Variants in CYP19A1 observed in about 807,000 individuals in gnomAD.
CYP19A1 encodes the protein aromatase.
CYP19A1 carries 32 observed loss-of-function variants against 44.4 expected under a neutral mutation model. That is an observed-to-expected ratio of 0.72 (90% confidence interval 0.54 to 0.97). CYP19A1 has a LOEUF of 0.97. Among genes scored for constraint, CYP19A1 ranks in the 50% least tolerant of loss-of-function variants. CYP19A1 has a pLI of 0.00. For missense variants in CYP19A1, 598 were observed against 637.8 expected, an observed-to-expected ratio of 0.94 and a Z score of 0.67; for synonymous variants, 212 against 215.6, an observed-to-expected ratio of 0.98 and a Z score of 0.14.
chr15:51,278,323 T>A (rs1380298698), intron 1 of CYP19A1, among the ~76,000 whole-genome samples: 1 of 152,190 alleles, frequency 6.6e-6, no homozygotes, highest in Non-Finnish European at 1.5e-5. Flanking sequence ...AAACTGACCA[T>A]GAGGAGGAGA....
intron 5 of CYP19A1, among the ~76,000 whole-genome samples, chr15:51,219,009 T>C (rs201789954): frequency 6.6e-6 from 1 of 152,236 alleles, no homozygotes; most frequent in African/African-American, 2.4e-5. Context: ...ATTATGGCTG[T>C]TATGGCCTTC....
intron 1 of CYP19A1, among the ~76,000 whole-genome samples, chr15:51,262,809 C>CCA (rs2034779243): frequency 6.6e-6 from 1 of 152,128 alleles, no homozygotes; most frequent in Non-Finnish European, 1.5e-5. Flanking sequence ...GCAGACAGAG[C>CCA]ATGAACCCAT....
chr15:51,270,940 A>C (rs960983717), intron 1 of CYP19A1, among the ~76,000 whole-genome samples: 4 of 152,062 alleles, frequency 2.6e-5, no homozygotes, highest in Admixed American at 2.6e-4. Flanking sequence ...AACAACTGCC[A>C]CCCAGTCTGG....
At chr15:51,281,820 T>A (rs1407274591) in intron 1 of CYP19A1, among the ~76,000 whole-genome samples, 1 of 152,178 alleles carries the variant, frequency 6.6e-6, no homozygotes, top group African/African-American at 2.4e-5. Flanking sequence ...CCAACCCAAG[T>A]TATGACTGAA....
intron 1 of CYP19A1, among the ~76,000 whole-genome samples, chr15:51,251,092 G>A (rs927802580): frequency 2.0e-5 from 3 of 152,190 alleles, no homozygotes; most frequent in African/African-American, 7.2e-5. Flanking sequence ...CCCGGGCTGA[G>A]GGGGAGCACT....
chr15:51,283,131 T>G (rs527922878), intron 1 of CYP19A1, among the ~76,000 whole-genome samples: 13 of 151,184 alleles, frequency 8.6e-5, no homozygotes, highest in African/African-American at 2.7e-4. Flanking sequence ...TGAGGTAGAT[T>G]CAGATGAGGA....
chr15:51,242,713 A>G, intron 2 of CYP19A1, 55 bp downstream of exon 2: 6 of 1,192,976 alleles, frequency 5.0e-6, no homozygotes, highest in Non-Finnish European at 7.5e-6. Context: ...ACCATCATGG[A>G]CCAAAATCCC....
At chr15:51,307,954 T>C (rs28757098) in intron 1 of CYP19A1, among the ~76,000 whole-genome samples, 1 of 152,302 alleles carries the variant, frequency 6.6e-6, no homozygotes, top group African/African-American at 2.4e-5. Flanking sequence ...TAGAAACAAA[T>C]GAACACAAAG....
intron 1 of CYP19A1, among the ~76,000 whole-genome samples, chr15:51,259,845 G>A (rs1321978208): frequency 6.6e-6 from 1 of 152,204 alleles, no homozygotes; most frequent in Admixed American, 6.5e-5. Context: ...TTACATTTAT[G>A]ATTCATCCAT....
At chr15:51,287,268 C>A (rs2035726496) in intron 1 of CYP19A1, among the ~76,000 whole-genome samples, 1 of 152,300 alleles carries the variant, frequency 6.6e-6, no homozygotes, top group South Asian at 2.1e-4. Context: ...TAAGAAAAAA[C>A]AACCGAGGCT....
intron 4 of CYP19A1, among the ~76,000 whole-genome samples, chr15:51,226,643 G>T (rs772960295): frequency 3.9e-5 from 6 of 152,168 alleles, no homozygotes; most frequent in Non-Finnish European, 8.8e-5. Context: ...TGAATAGACA[G>T]GGCCAGACCT....
chr15:51,299,542 G>T (rs1470036617), intron 1 of CYP19A1, among the ~76,000 whole-genome samples: 1 of 152,114 alleles, frequency 6.6e-6, no homozygotes, highest in Non-Finnish European at 1.5e-5. Context: ...ATGTGATCAG[G>T]GCTGCTTTGC....
intron 2 of CYP19A1, among the ~76,000 whole-genome samples, chr15:51,240,289 G>A (rs967255269): frequency 2.6e-5 from 4 of 152,108 alleles, no homozygotes; most frequent in Admixed American, 6.5e-5. Flanking sequence ...ACGGCTAGAA[G>A]AAGCTTAGAT....
chr15:51,246,648 A>G (rs1455740586), intron 1 of CYP19A1, among the ~76,000 whole-genome samples: 1 of 152,232 alleles, frequency 6.6e-6, no homozygotes, highest in Non-Finnish European at 1.5e-5. Context: ...AGGGTCCCAC[A>G]GTGCCACGAA....
intron 4 of CYP19A1, 33 bp downstream of exon 4, chr15:51,227,746 A>AG: frequency 1.1e-6 from 1 of 915,482 alleles, no homozygotes; most frequent in Non-Finnish European, 1.7e-6. Context: ...TTCATAGACA[A>AG]AAAAGATTGT....
At chr15:51,243,615 C>T (rs1012076269) in intron 1 of CYP19A1, among the ~76,000 whole-genome samples, 8 of 151,528 alleles carry the variant, frequency 5.3e-5, no homozygotes, top group Non-Finnish European at 7.4e-5. Flanking sequence ...GACCGGCCAA[C>T]GGTAGTGTGG....
chr15:51,227,672 C>A (rs897251148), intron 4 of CYP19A1, 107 bp downstream of exon 4: 1 of 255,954 alleles, frequency 3.9e-6, no homozygotes, highest in South Asian at 7.4e-5. Context: ...GAGCCTGTCT[C>A]AATAAATAAA....
chr15:51,222,056 A>G, intron 5 of CYP19A1: 3 of 569,116 alleles, frequency 5.3e-6, no homozygotes, highest in South Asian at 4.7e-5. Flanking sequence ...TATGTTAATA[A>G]CCAAACGAAC....
At position 51,227,893 on chromosome 15, in the gene CYP19A1, T is replaced by C. The variant is rs763223426; in HGVS notation, c.337A>G (p.Ser113Gly). ...MFHIMKHNHY[S>G]SRFGSKLGLQ... ...CCAAGTTTGCTGCCGAATCGAGAGC[T>C]GTAATGATTGTGCTTCATTATGTGG... Residue 113 changes from serine (S) to glycine (G), a missense_variant, in exon 4 of 10, where the codon AGC becomes GGC. Physicochemically the swap from Ser to Gly is moderately conservative, Grantham distance 56. Transcript: ENST00000396402. 1.9e-6 allele frequency: 3 copies of C among 1,588,710 alleles called. No individual in the cohort carries two copies.
Sources: allele counts gnomAD v4.1 joint callset (sites outside exome capture counted in the v4.1 genomes callset), GRCh38; gene constraint gnomAD v4.1.1; transcripts MANE v1.5; gene names NCBI Gene and HGNC (gene_info 2026-07-23, HGNC 2026-07-21).